RNGTT: variants seen among roughly 807,000 people sequenced by gnomAD.
The protein encoded by RNGTT is RNA guanylyltransferase and 5'-phosphatase, also known as mRNA-capping enzyme.
Under a neutral mutation model 79.3 loss-of-function variants are expected in RNGTT, and 33 were observed. The observed-to-expected ratio is 0.42, with a 90% CI of 0.32 to 0.56. RNGTT has a LOEUF of 0.56. Among genes scored for constraint, RNGTT ranks in the 20% least tolerant of loss-of-function variants. The pLI, the probability that RNGTT is intolerant of heterozygous loss-of-function variation, is 0.17. For missense variants in RNGTT, 497 were observed against 739.1 expected (o/e 0.67, Z 3.80); for synonymous variants, 222 against 235.9 (o/e 0.94, Z 0.54).
rs185300137 is a variant in RNGTT at position 88,671,005 on chromosome 6, C to A, written c.1506+7348G>T. Reference sequence around the variant, plus strand: ...AACCCACAGCCAACATTATACTGAACAGGGAAAAGTTGAAAACATTCCCCC... The same window carrying A: ...AACCCACAGCCAACATTATACTGAAAAGGGAAAAGTTGAAAACATTCCCCC... On this transcript the variant is annotated intron_variant, in intron 14 of 15. Coordinates refer to ENST00000369485, the MANE Select transcript of RNGTT (RefSeq NM_003800.5). Among the ~76,000 whole-genome samples the A allele has an allele frequency of 2.5e-3, 385 of 152,246 alleles. 1 individual carries two copies. Among genetic ancestry groups the A allele is most frequent in the African/African-American group, 8.9e-3 (368 of 41,536 alleles).
chr6:88,610,023 A>G lies in RNGTT; in HGVS notation c.*2696T>C, dbSNP rs950121502. 1.3e-5 allele frequency among the ~76,000 whole-genome samples: 2 copies of G among 152,362 alleles called. No individual in the cohort carries two copies. Among genetic ancestry groups the G allele is most frequent in the South Asian group, 2.1e-4 (1 of 4,828 alleles). The stretch of plus-strand genomic sequence containing the variant: ...TTAGATGAAGAGAAATAATATAAAC[A>G]TCATATAAAGATGTGCTTTCTCCCA... On this transcript the variant is annotated 3_prime_UTR_variant, in exon 16 of 16. Coordinates refer to ENST00000369485, the MANE Select transcript of RNGTT (RefSeq NM_003800.5).
intron 1 of RNGTT, among the ~76,000 whole-genome samples, chr6:88,951,727 A>G (rs1785254209): frequency 6.6e-6 from 1 of 152,158 alleles, no homozygotes; most frequent in Admixed American, 6.5e-5. Flanking sequence ...AGTGAAATAT[A>G]AAAGTAGAAG....
chr6:88,770,446 A>G (rs934012458), intron 12 of RNGTT, among the ~76,000 whole-genome samples: 1 of 152,346 alleles, frequency 6.6e-6, no homozygotes, highest in South Asian at 2.1e-4. Flanking sequence ...AAGATTTTTG[A>G]GATGAATCTA....
chr6:88,625,566 G>A (rs1462050943), intron 14 of RNGTT, among the ~76,000 whole-genome samples: 1 of 151,892 alleles, frequency 6.6e-6, no homozygotes, highest in Non-Finnish European at 1.5e-5. Flanking sequence ...AGATTTAGGA[G>A]TGGGGAAAGC....
chr6:88,892,042 T>G (rs926026194), intron 6 of RNGTT, 127 bp from the exon 7 acceptor site: 1 of 621,270 alleles, frequency 1.6e-6, no homozygotes, highest in Admixed American at 3.4e-5. Context: ...TCAATATATC[T>G]AACAGAAACG....
At chr6:88,740,028 C>A (rs1237757123) in intron 13 of RNGTT, among the ~76,000 whole-genome samples, 2 of 151,932 alleles carry the variant, frequency 1.3e-5, no homozygotes, top group Admixed American at 1.3e-4. Context: ...TATCATCCTA[C>A]TCTTCTTCCA....
intron 14 of RNGTT, among the ~76,000 whole-genome samples, chr6:88,634,976 A>C (rs1449736696): frequency 6.6e-6 from 1 of 152,062 alleles, no homozygotes; most frequent in Non-Finnish European, 1.5e-5. Flanking sequence ...ATTTTGGAGG[A>C]AAGACTCTTA....
At chr6:88,785,370 G>A (rs1332959034) in intron 12 of RNGTT, among the ~76,000 whole-genome samples, 1 of 151,128 alleles carries the variant, frequency 6.6e-6, no homozygotes, top group East Asian at 1.9e-4. Flanking sequence ...TGTTTATTTT[G>A]CCAACAAAAT....
intron 1 of RNGTT, among the ~76,000 whole-genome samples, chr6:88,958,229 T>A (rs780590285): frequency 6.6e-6 from 1 of 152,164 alleles, no homozygotes; most frequent in Non-Finnish European, 1.5e-5. Flanking sequence ...TGGAGATGGA[T>A]CAACTCAAAC....
chr6:88,873,066 G>A (rs949454983), intron 8 of RNGTT, among the ~76,000 whole-genome samples: 1 of 151,948 alleles, frequency 6.6e-6, no homozygotes, highest in Non-Finnish European at 1.5e-5. Flanking sequence ...CAGGGTGGGA[G>A]GGTGAACAGA....
rs540728288 is a variant in RNGTT at position 88,614,798 on chromosome 6, T to C, written c.1507-403A>G. Among the ~76,000 whole-genome samples the C allele has an allele frequency of 5.9e-5, 9 of 152,290 alleles. No individual in the cohort carries two copies. The East Asian group carries it at 1.2e-3, about 20-fold the overall frequency. Reference sequence around the variant, plus strand: ...AAAGGTCTAACCATCTAAATTCCTATGTTAAAATCTAAGAAATGCCGTGTA... The same window carrying C: ...AAAGGTCTAACCATCTAAATTCCTACGTTAAAATCTAAGAAATGCCGTGTA... On this transcript the variant is annotated intron_variant, in intron 14 of 15. Coordinates refer to ENST00000369485, the MANE Select transcript of RNGTT (RefSeq NM_003800.5).
At position 88,646,887 on chromosome 6, in the gene RNGTT, A is replaced by G. The variant is rs145493970; in HGVS notation, c.1506+31466T>C. 7.7e-3 allele frequency among the ~76,000 whole-genome samples: 1,174 copies of G among 152,244 alleles called. 8 individuals are homozygous for G. Among genetic ancestry groups the G allele is most frequent in the African/African-American group, 0.026 (1,088 of 41,516 alleles). The stretch of plus-strand genomic sequence containing the variant: ...AGGGATAGCATTAGGAGATATACCT[A>G]ATGTAAATGAGGAGTTAATGGGTGC... On this transcript the variant is annotated intron_variant, in intron 14 of 15. Transcript: ENST00000369485.
intron 9 of RNGTT, among the ~76,000 whole-genome samples, chr6:88,851,564 C>T (rs1051146106): frequency 1.3e-5 from 2 of 151,858 alleles, no homozygotes; most frequent in African/African-American, 4.8e-5. Context: ...GATTAAATTT[C>T]ACTGATGTGT....
At chr6:88,766,513 A>G (rs1004613282) in intron 13 of RNGTT, among the ~76,000 whole-genome samples, 2 of 152,130 alleles carry the variant, frequency 1.3e-5, no homozygotes, top group Non-Finnish European at 2.9e-5. Flanking sequence ...TACAAAAGTT[A>G]TATTAGGCCA....
chr6:88,724,555 C>T (rs1172038485), intron 13 of RNGTT, among the ~76,000 whole-genome samples: 9 of 152,104 alleles, frequency 5.9e-5, no homozygotes, highest in African/African-American at 1.9e-4. Context: ...AATTTTTCCA[C>T]AGACAGGGGA....
At chr6:88,937,238 C>G (rs1406429973) in intron 2 of RNGTT, among the ~76,000 whole-genome samples, 2 of 152,080 alleles carry the variant, frequency 1.3e-5, no homozygotes, top group Non-Finnish European at 1.5e-5. Context: ...CCCAGCTACT[C>G]AGGAGGCTGA....
chr6:88,852,915 C>T (rs1053964936), intron 9 of RNGTT, among the ~76,000 whole-genome samples: 2 of 152,198 alleles, frequency 1.3e-5, no homozygotes, highest in Admixed American at 1.3e-4. Context: ...ACCATTCAGA[C>T]ATTTATGTGA....
At chr6:88,629,465 C>T (rs558240236) in intron 14 of RNGTT, among the ~76,000 whole-genome samples, 4 of 152,236 alleles carry the variant, frequency 2.6e-5, no homozygotes, top group South Asian at 2.1e-4. Context: ...TCACAATTCA[C>T]GTTCTTAAAG....
intron 13 of RNGTT, among the ~76,000 whole-genome samples, chr6:88,731,756 G>A (rs1777124099): frequency 6.6e-6 from 1 of 151,928 alleles, no homozygotes; most frequent in African/African-American, 2.4e-5. Flanking sequence ...ACAATGTCAG[G>A]GGCACTGACC....
Sources: gnomAD v4.1 joint callset for allele counts (sites outside exome capture counted in the v4.1 genomes callset) on GRCh38, gnomAD v4.1.1 for gene constraint, MANE v1.5 for transcripts, NCBI Gene and HGNC (gene_info 2026-07-23, HGNC 2026-07-21) for gene names.